Variants in MIPOL1 observed in about 807,000 individuals in gnomAD.
The protein encoded by MIPOL1 is mirror-image polydactyly gene 1 protein.
MIPOL1 carries 57 observed loss-of-function variants against 60.9 expected under a neutral mutation model. That is an observed-to-expected ratio of 0.94 (90% CI 0.76 to 1.17). The LOEUF (loss-of-function observed/expected upper bound fraction) is 1.17, where lower values mean the gene tolerates loss of function less well. Ranked by LOEUF, MIPOL1 falls within the 50% of genes most tolerant of loss-of-function variation. The pLI, the probability that MIPOL1 is intolerant of heterozygous loss-of-function variation, is 0.00. For missense variants in MIPOL1, 551 were observed against 511.6 expected, an observed-to-expected ratio of 1.08 and a Z score of -0.74; for synonymous variants, 179 against 168.8, an observed-to-expected ratio of 1.06 and a Z score of -0.47.
intron 10 of MIPOL1, among the ~76,000 whole-genome samples, chr14:37,403,424 G>T (rs1365747164): frequency 1.1e-5 from 1 of 94,844 alleles, no homozygotes; most frequent in East Asian, 3.2e-4. Flanking sequence ...GATAAGAGAG[G>T]TTTCTAGCTT....
intron 10 of MIPOL1, among the ~76,000 whole-genome samples, chr14:37,403,009 G>A (rs1019511175): frequency 3.3e-5 from 5 of 152,176 alleles, no homozygotes; most frequent in African/African-American, 1.2e-4. Context: ...AGCACGATTA[G>A]CTGTTACATT....
intron 7 of MIPOL1, among the ~76,000 whole-genome samples, chr14:37,302,526 A>G (rs547637747): frequency 6.6e-6 from 1 of 151,640 alleles, no homozygotes; most frequent in South Asian, 2.1e-4. Flanking sequence ...TGGCTTGCAC[A>G]TATTTTCTTC....
intron 9 of MIPOL1, among the ~76,000 whole-genome samples, chr14:37,364,901 A>G (rs1054105910): frequency 2.0e-5 from 3 of 152,068 alleles, no homozygotes; most frequent in Non-Finnish European, 4.4e-5. Flanking sequence ...AATTTCTGTC[A>G]TCAGTGTTTT....
At chr14:37,205,352 C>T (rs1965916267) in intron 1 of MIPOL1, among the ~76,000 whole-genome samples, 2 of 152,100 alleles carry the variant, frequency 1.3e-5, no homozygotes, top group South Asian at 4.1e-4. Flanking sequence ...GATCCACCCA[C>T]CTCGGCCTCC....
At chr14:37,509,257 A>T (rs2095306437) in intron 12 of MIPOL1, among the ~76,000 whole-genome samples, 2 of 151,850 alleles carry the variant, frequency 1.3e-5, no homozygotes. Flanking sequence ...AGTCCTGCCC[A>T]TTCTCCTGTA....
Position 37,257,095 on chromosome 14 carries a change from T to TTGTGTGTGTGTGTGTGTG in MIPOL1, c.19+9208_19+9225dup, listed in dbSNP as rs61079220. 8.5e-4 allele frequency among the ~76,000 whole-genome samples: 117 copies of TTGTGTGTGTGTGTGTGTG among 137,784 alleles called. 1 individual carries two copies. The highest frequency in any genetic ancestry group is 1.5e-3 in the Non-Finnish European group (93 of 63,726). 90.4% of individuals were successfully genotyped at this position (137,784 alleles called of 152,430 possible). On this transcript the variant is annotated intron_variant, in intron 3 of 12. Transcript: ENST00000684589. ...GTTTTTTGGGTTTTTTGGTTTTGTTTTGTGTGTGTGTGTGTGTGTGTGTGT... is the reference window on the plus strand; with the variant it reads ...GTTTTTTGGGTTTTTTGGTTTTGTTTTGTGTGTGTGTGTGTGTGTGTGTGTGTGTGTGTGTGTGTGTGT...
chr14:37,248,350 A>G (rs1045795050), intron 3 of MIPOL1, among the ~76,000 whole-genome samples: 3 of 152,094 alleles, frequency 2.0e-5, no homozygotes, highest in African/African-American at 7.2e-5. Flanking sequence ...ACATAGAGGC[A>G]CTGACACACA....
chr14:37,335,988 A>T (rs1229217101), intron 9 of MIPOL1, among the ~76,000 whole-genome samples: 2 of 151,540 alleles, frequency 1.3e-5, no homozygotes, highest in East Asian at 3.9e-4. Flanking sequence ...ATGTCATGAA[A>T]TTTTTTCCCT....
intron 11 of MIPOL1, among the ~76,000 whole-genome samples, chr14:37,458,689 GAC>G (rs921151400): frequency 6.6e-6 from 1 of 150,992 alleles, no homozygotes. Context: ...CATACACACA[GAC>G]ACACACACAC....
chr14:37,256,741 GT>G (rs759250127), intron 3 of MIPOL1, among the ~76,000 whole-genome samples: 33,352 of 151,742 alleles, frequency 0.22, 4,139 homozygotes, highest in South Asian at 0.35. Context: ...TGAGAATGCA[GT>G]AGAAACCAGC....
At chr14:37,247,997 T>C in intron 3 of MIPOL1, 90 bp downstream of exon 3, 1 of 1,277,272 alleles carries the variant, frequency 7.8e-7, no homozygotes, top group Non-Finnish European at 1.1e-6. Flanking sequence ...ACCAATATAT[T>C]AGACAGAGGT....
At chr14:37,524,270 A>G (rs1176543120) in intron 12 of MIPOL1, among the ~76,000 whole-genome samples, 1 of 152,144 alleles carries the variant, frequency 6.6e-6, no homozygotes, top group Non-Finnish European at 1.5e-5. Context: ...AACTGATGAG[A>G]AATTGTGATA....
At chr14:37,292,585 A>T (rs937027199) in intron 7 of MIPOL1, among the ~76,000 whole-genome samples, 1 of 141,780 alleles carries the variant, frequency 7.1e-6, no homozygotes, top group East Asian at 2.1e-4. Context: ...GGTTCAAGCT[A>T]TTCTCCTGCC....
chr14:37,408,227 A>G (rs2093625187), intron 10 of MIPOL1, among the ~76,000 whole-genome samples: 1 of 152,124 alleles, frequency 6.6e-6, no homozygotes, highest in African/African-American at 2.4e-5. Flanking sequence ...TAGAGTGATT[A>G]TATCCAAAAT....
intron 11 of MIPOL1, among the ~76,000 whole-genome samples, chr14:37,442,088 T>G (rs948714293): frequency 4.2e-5 from 6 of 143,714 alleles, no homozygotes; most frequent in Admixed American, 2.1e-4. Flanking sequence ...TTCTACTTTG[T>G]TGTGTGTGTG....
intron 11 of MIPOL1, among the ~76,000 whole-genome samples, chr14:37,442,234 T>C (rs980722585): frequency 2.0e-5 from 3 of 152,056 alleles, no homozygotes; most frequent in African/African-American, 7.2e-5. Context: ...ATCCTGACAC[T>C]TTAGCGAAGT....
intron 11 of MIPOL1, among the ~76,000 whole-genome samples, chr14:37,488,519 A>T (rs552128974): frequency 6.6e-6 from 1 of 152,124 alleles, no homozygotes; most frequent in South Asian, 2.1e-4. Context: ...TTGAGTGCAT[A>T]TAGGTTTAGG....
rs751030644 is a variant in MIPOL1 at position 37,270,447 on chromosome 14, A to G, written c.415A>G (p.Lys139Glu). The change falls in exon 6 of 13, where the codon AAA (lysine) becomes GAA (glutamate). Residue 139 changes from lysine (K) to glutamate (E), a missense_variant. Transcript: ENST00000684589. ...TCAGCAGAAATTGGCTAAAGAAGAT[A>G]AAGAACAGAGAAAACTAAAGTTTAA... Reference protein sequence around the residue: ...KLQQKLAKEDKEQRKLKFKLE... With the variant: ...KLQQKLAKEDEEQRKLKFKLE... 1.8e-5 allele frequency: 29 copies of G among 1,597,514 alleles called. No homozygotes were observed. Among genetic ancestry groups the G allele is most frequent in the Non-Finnish European group, 2.5e-5 (29 of 1,171,810 alleles).
intron 10 of MIPOL1, among the ~76,000 whole-genome samples, chr14:37,417,851 G>A (rs903799873): frequency 2.6e-5 from 4 of 151,992 alleles, no homozygotes; most frequent in African/African-American, 9.7e-5. Flanking sequence ...GTCTTCTATG[G>A]TAAAATAAGC....
Sources: allele counts gnomAD v4.1 joint callset (sites outside exome capture counted in the v4.1 genomes callset), GRCh38; gene constraint gnomAD v4.1.1; transcripts MANE v1.5; gene names NCBI Gene and HGNC (gene_info 2026-07-23, HGNC 2026-07-21).